Variants in USP49 observed in about 807,000 individuals in gnomAD.
USP49 encodes the protein ubiquitin specific peptidase 49, also known as ubiquitin carboxyl-terminal hydrolase 49.
Under a neutral mutation model 58.6 loss-of-function variants are expected in USP49, and 24 were observed. The ratio of observed to expected loss-of-function variants is 0.41; its 90% confidence interval spans 0.30 to 0.58. The LOEUF is 0.58. USP49 is among the 20% of genes least tolerant of loss of function. USP49 has a pLI of 0.30. For synonymous variants in USP49, 408 were observed against 365.1 expected, an observed-to-expected ratio of 1.12 and a Z score of -1.34; for missense variants, 703 against 866.1, an observed-to-expected ratio of 0.81 and a Z score of 2.36.
At chr6:41,819,076 G>A (rs1268610907) in intron 3 of USP49, among the ~76,000 whole-genome samples, 2 of 151,998 alleles carry the variant, frequency 1.3e-5, no homozygotes, top group Admixed American at 1.3e-4. Flanking sequence ...TTGTGCTTTT[G>A]AAATGGAACA....
At chr6:41,877,398 A>G (rs2127361547) in intron 2 of USP49, among the ~76,000 whole-genome samples, 1 of 152,330 alleles carries the variant, frequency 6.6e-6, no homozygotes, top group Non-Finnish European at 1.5e-5. Flanking sequence ...CAGTCCACAA[A>G]GCTGTATTTA....
intron 3 of USP49, among the ~76,000 whole-genome samples, chr6:41,856,047 C>CAA (rs67430578): frequency 7.3e-6 from 1 of 136,326 alleles, no homozygotes; most frequent in South Asian, 2.3e-4. Context: ...GACTCCATCT[C>CAA]AAAAAAAAAA....
chr6:41,855,095 A>G (rs1291600275), intron 3 of USP49, among the ~76,000 whole-genome samples: 1 of 151,572 alleles, frequency 6.6e-6, no homozygotes, highest in African/African-American at 2.4e-5. Context: ...TAATCTTATA[A>G]TTCTATTATT....
chr6:41,821,736 T>A (rs1416673720), intron 3 of USP49, among the ~76,000 whole-genome samples: 1 of 152,176 alleles, frequency 6.6e-6, no homozygotes, highest in African/African-American at 2.4e-5. Context: ...ATCGCACCAC[T>A]GCACTCCTGA....
chr6:41,798,678 CA>C, intron 7 of USP49, 45 bp downstream of exon 7: 1 of 1,613,734 alleles, frequency 6.2e-7, no homozygotes, highest in Non-Finnish European at 8.5e-7. Flanking sequence ...GTGGACAAAT[CA>C]ACCCCTTTCC....
chr6:41,874,970 A>G (rs576783871), intron 2 of USP49, among the ~76,000 whole-genome samples: 1 of 151,768 alleles, frequency 6.6e-6, no homozygotes, highest in South Asian at 2.1e-4. Context: ...TAAAAAAAGA[A>G]AGAGAGAGAG....
At chr6:41,877,498 T>C (rs1043979823) in intron 2 of USP49, among the ~76,000 whole-genome samples, 31 of 152,098 alleles carry the variant, frequency 2.0e-4, no homozygotes, top group Non-Finnish European at 3.2e-4. Context: ...TGACACAGCA[T>C]AGTACATGGT....
chr6:41,807,621 T>C (rs1014101371), intron 3 of USP49, among the ~76,000 whole-genome samples: 10 of 152,082 alleles, frequency 6.6e-5, no homozygotes, highest in Admixed American at 5.9e-4. Flanking sequence ...TTTGTATTTT[T>C]AGTAGAGACG....
chr6:41,879,777 G>A lies in USP49; in HGVS notation c.-102-8140C>T, dbSNP rs114900665. Among the ~76,000 whole-genome samples, 594 of 152,328 alleles carry A rather than the reference G, an allele frequency of 3.9e-3. 7 individuals are homozygous for A. The highest frequency in any genetic ancestry group is 0.014 in the African/African-American group (565 of 41,564). On this transcript the variant is annotated intron_variant, in intron 2 of 7. Coordinates refer to ENST00000682992, the MANE Select transcript of USP49 (RefSeq NM_001286554.2). ...CTTCCCAAATGATACAGCCAGGTTT[G>A]TAAGCCCTAAGCAGATAATAGGAAC...
chr6:41,873,497 G>A (rs770625055), intron 2 of USP49, among the ~76,000 whole-genome samples: 5 of 152,198 alleles, frequency 3.3e-5, no homozygotes, highest in African/African-American at 4.8e-5. Context: ...TCTAGTTCTA[G>A]GTTCGGGGAT....
At chr6:41,863,528 T>C (rs920821615) in intron 3 of USP49, among the ~76,000 whole-genome samples, 9 of 152,224 alleles carry the variant, frequency 5.9e-5, no homozygotes, top group African/African-American at 1.7e-4. Flanking sequence ...GCATTTTCAT[T>C]CTGTACTGAT....
intron 3 of USP49, among the ~76,000 whole-genome samples, chr6:41,870,379 C>T (rs971922017): frequency 6.6e-6 from 1 of 152,162 alleles, no homozygotes; most frequent in Non-Finnish European, 1.5e-5. Flanking sequence ...TGCACAAATA[C>T]ATGCCATATA....
chr6:41,892,157 C>T (rs577188643), intron 1 of USP49, among the ~76,000 whole-genome samples: 1 of 151,990 alleles, frequency 6.6e-6, no homozygotes, highest in Non-Finnish European at 1.5e-5. Flanking sequence ...ACACTAAGGC[C>T]GTTGCATACA....
chr6:41,802,456 A>T (rs200031136), intron 5 of USP49, among the ~76,000 whole-genome samples: 1,543 of 69,276 alleles, frequency 0.022, 137 homozygotes, highest in Non-Finnish European at 0.027. Flanking sequence ...TTATTTATTT[A>T]TTTATTTATT....
intron 3 of USP49, among the ~76,000 whole-genome samples, chr6:41,812,039 C>A (rs1773265558): frequency 6.6e-6 from 1 of 152,082 alleles, no homozygotes; most frequent in Admixed American, 6.5e-5. Context: ...CTACTCCAGT[C>A]CTGATGAATC....
intron 3 of USP49, among the ~76,000 whole-genome samples, chr6:41,817,981 C>T (rs1773387155): frequency 6.6e-6 from 1 of 152,114 alleles, no homozygotes; most frequent in Admixed American, 6.5e-5. Context: ...TTATGGTATA[C>T]TACTATTAAT....
At position 41,806,716 on chromosome 6, in the gene USP49, C is replaced by T. The variant is rs1428414243; in HGVS notation, c.268G>A (p.Gly90Arg). 2.5e-6 allele frequency: 4 copies of T among 1,614,126 alleles called. No individual in the cohort carries two copies. Among genetic ancestry groups the T allele is most frequent in the Non-Finnish European group, 8.5e-7 (1 of 1,180,056 alleles). Residue 90 changes from glycine (G) to arginine (R), a missense_variant, in exon 4 of 8, where the codon GGG becomes AGG. Physicochemically the swap from Gly to Arg is moderately radical, Grantham distance 125. This residue lies in a region of USP49 where 376 missense variants were observed against 373.5 expected (regional missense o/e 1.01). Transcript: ENST00000682992. The surrounding 1 kb of genome is among the most constrained non-coding windows in gnomAD (Gnocchi z 5.9). ...KDYVLNDNPE[G>R]DLKLLRSSLL... ...GAGCTTCTTAGCAGCTTCAGGTCCC[C>T]CTCTGGGTTATCATTGAGCACGTAG...
rs1561901189 is a variant in USP49 at position 41,798,505 on chromosome 6, A to T, written c.1876+219T>A. 3 of 1,344,816 alleles carry T rather than the reference A, an allele frequency of 2.2e-6. No individual in the cohort carries two copies. In the East Asian group the frequency reaches 7.8e-5, roughly 35 times the overall value. The allele number at this position is 1,344,816 out of a possible 1,614,324, so 83.3% of individuals were successfully genotyped here. On this transcript the variant is annotated intron_variant, in intron 7 of 7. Coordinates refer to ENST00000682992, the MANE Select transcript of USP49 (RefSeq NM_001286554.2). ...TGGCCAGGCTGGTCTCGAACTCCTG[A>T]CCTCAGGTGATCCACCCACCGCGGC...
chr6:41,808,632 G>A (rs1773186893), intron 3 of USP49, among the ~76,000 whole-genome samples: 1 of 151,920 alleles, frequency 6.6e-6, no homozygotes, highest in South Asian at 2.1e-4. Flanking sequence ...GGATGGTCCC[G>A]ATCTCTTGAC....
Sources: allele counts gnomAD v4.1 joint callset (sites outside exome capture counted in the v4.1 genomes callset), GRCh38; gene constraint gnomAD v4.1.1; regional missense constraint gnomAD v4.1.1; non-coding constraint Gnocchi (gnomAD v3.1); transcripts MANE v1.5; gene names NCBI Gene and HGNC (gene_info 2026-07-23, HGNC 2026-07-21).